Variants in POLQ observed in about 807,000 individuals in gnomAD.
The protein encoded by POLQ is epididymis secretory sperm binding protein.
A neutral mutation model predicts 259.2 loss-of-function variants in POLQ; 233 were observed. The ratio of observed to expected loss-of-function variants is 0.90; its 90% CI spans 0.81 to 1.00. POLQ has a LOEUF of 1.00. Ranked by LOEUF, POLQ falls within the 50% of genes least tolerant of loss-of-function variation. The pLI is 0.00. For missense variants in POLQ, 2,871 were observed against 3,051.6 expected (o/e 0.94, Z 1.39); for synonymous variants, 1,025 against 1,048.8 (o/e 0.98, Z 0.44).
At chr3:121,440,721 A>T (rs987397706) in intron 26 of POLQ, among the ~76,000 whole-genome samples, 2 of 152,114 alleles carry the variant, frequency 1.3e-5, no homozygotes, top group Admixed American at 1.3e-4. Context: ...TTATTCCAGG[A>T]TCTTAAGACT....
intron 19 of POLQ, 115 bp downstream of exon 19, chr3:121,481,457 A>T: frequency 1.0e-6 from 1 of 980,240 alleles, no homozygotes; most frequent in Non-Finnish European, 1.5e-6. Context: ...AAAAAGCACT[A>T]GACAATCCAA....
intron 7 of POLQ, among the ~76,000 whole-genome samples, chr3:121,526,017 C>G (rs2048371324): frequency 6.6e-6 from 1 of 152,050 alleles, no homozygotes; most frequent in South Asian, 2.1e-4. Flanking sequence ...TCGGGGTTCT[C>G]TTCCATAATG....
intron 7 of POLQ, among the ~76,000 whole-genome samples, chr3:121,525,375 C>G (rs957720182): frequency 6.6e-6 from 1 of 150,470 alleles, no homozygotes; most frequent in African/African-American, 2.4e-5. Context: ...AGAGAAAATA[C>G]ATTTACTATT....
intron 13 of POLQ, among the ~76,000 whole-genome samples, 180 bp from the exon 14 acceptor site, chr3:121,497,112 A>G (rs1025824591): frequency 2.6e-5 from 4 of 152,240 alleles, no homozygotes; most frequent in African/African-American, 9.6e-5. Flanking sequence ...CTTGCAAAGC[A>G]AGTTTTGACA....
intron 2 of POLQ, 123 bp downstream of exon 2, chr3:121,544,604 C>T (rs775188985): frequency 1.0e-5 from 6 of 602,340 alleles, no homozygotes; most frequent in East Asian, 3.0e-5. Context: ...ACATATTGTA[C>T]GATTTTCTCT....
chr3:121,462,025 C>T (rs2047796347), intron 24 of POLQ, among the ~76,000 whole-genome samples: 1 of 152,198 alleles, frequency 6.6e-6, no homozygotes, highest in Non-Finnish European at 1.5e-5. Context: ...AAATCCAAAA[C>T]TTTTGAGCAC....
intron 9 of POLQ, among the ~76,000 whole-genome samples, chr3:121,515,945 T>C (rs1215432507): frequency 2.0e-5 from 3 of 151,754 alleles, no homozygotes; most frequent in Non-Finnish European, 1.5e-5. Flanking sequence ...GAAAACAATA[T>C]ACAAACAAAA....
chr3:121,500,165 C>A (rs1462235920), intron 12 of POLQ, among the ~76,000 whole-genome samples: 3 of 151,862 alleles, frequency 2.0e-5, no homozygotes, highest in African/African-American at 7.3e-5. Context: ...GCCTGTGGTC[C>A]CAGCTACTTG....
chr3:121,445,118 C>T (rs1234519701), intron 26 of POLQ, among the ~76,000 whole-genome samples: 1 of 152,144 alleles, frequency 6.6e-6, no homozygotes. Flanking sequence ...TAATACTGGC[C>T]TCACAGAATG....
At chr3:121,491,986 T>C (rs374356381) in intron 15 of POLQ, among the ~76,000 whole-genome samples, 1 of 152,234 alleles carries the variant, frequency 6.6e-6, no homozygotes, top group Non-Finnish European at 1.5e-5. Context: ...AGAATCTAAT[T>C]GTTTTGTTTC....
chr3:121,455,729 G>C (rs1280620754), intron 25 of POLQ, among the ~76,000 whole-genome samples: 1 of 152,198 alleles, frequency 6.6e-6, no homozygotes, highest in African/African-American at 2.4e-5. Flanking sequence ...CTCTGAAATT[G>C]TGGCAATAAT....
At position 121,541,453 on chromosome 3, in the gene POLQ, C is replaced by T; in HGVS notation, c.370G>A (p.Val124Met). Reference protein sequence around the residue: ...SAPTSAGKTLVAELLILKRVL... With the variant: ...SAPTSAGKTLMAELLILKRVL... ...CGCTTCAAAATAAGTAATTCTGCCA[C>T]AAGAGTCTTCCCAGCACTTGTAGGA... The change falls in exon 3 of 30, where the codon GTG becomes ATG. Residue 124 changes from valine (V) to methionine (M), a missense_variant. Around this residue, in one of 3 missense-constraint regions of POLQ, gnomAD observed 783 missense variants for 906.2 expected, o/e 0.86. Transcript: ENST00000264233. The T allele has an allele frequency of 6.2e-7, 1 of 1,609,926 alleles. No individual in the cohort carries two copies. Among genetic ancestry groups the T allele is most frequent in the Non-Finnish European group, 8.5e-7 (1 of 1,178,310 alleles).
chr3:121,460,122 C>T lies in POLQ; in HGVS notation c.7080G>A (p.Arg2360=). The part of the protein sequence containing the change: ...QVLNTGADVF[R]SIAAEWKMIE... ...TCATCTTCCACTCTGCTGCAATGCT[C>T]CTGAAAACATCAGCTCCAGTGTTTA... The change falls in exon 25 of 30, where the codon AGG becomes AGA. Residue 2360 remains arginine (R), a synonymous_variant. Transcript: ENST00000264233. The T allele has an allele frequency of 6.2e-7, 1 of 1,614,006 alleles. No individual in the cohort carries two copies. Among genetic ancestry groups the T allele is most frequent in the African/African-American group, 1.3e-5 (1 of 75,016 alleles).
intron 12 of POLQ, among the ~76,000 whole-genome samples, chr3:121,501,218 C>G (rs1001980500): frequency 2.0e-5 from 3 of 152,022 alleles, no homozygotes; most frequent in African/African-American, 7.2e-5. Flanking sequence ...CCTCAGCCTC[C>G]CAAAGTGCTG....
intron 15 of POLQ, 34 bp downstream of exon 15, chr3:121,493,444 T>C (rs2048087794): frequency 2.6e-6 from 4 of 1,517,826 alleles, no homozygotes; most frequent in Non-Finnish European, 3.6e-6. Flanking sequence ...TTTTTTTATT[T>C]CATAAGCCCA....
At chr3:121,461,009 T>C (rs1487398325) in intron 24 of POLQ, among the ~76,000 whole-genome samples, 1 of 152,066 alleles carries the variant, frequency 6.6e-6, no homozygotes, top group African/African-American at 2.4e-5. Context: ...AGTTCAGACA[T>C]AATAAAAACA....
chr3:121,460,338 A>T (rs1333510610), intron 24 of POLQ, 104 bp from the exon 25 acceptor site: 1 of 773,862 alleles, frequency 1.3e-6, no homozygotes, highest in Non-Finnish European at 2.1e-6. Flanking sequence ...TTTTGTTCTA[A>T]CTTAGAACTT....
intron 6 of POLQ, among the ~76,000 whole-genome samples, chr3:121,531,598 T>C (rs977855757): frequency 2.0e-5 from 3 of 152,158 alleles, no homozygotes; most frequent in Non-Finnish European, 4.4e-5. Flanking sequence ...GGTAACATGA[T>C]CTGATGTTCA....
chr3:121,526,920 G>A (rs933275253), intron 7 of POLQ, among the ~76,000 whole-genome samples: 5 of 151,864 alleles, frequency 3.3e-5, no homozygotes, highest in African/African-American at 7.3e-5. Flanking sequence ...CATCTGTGGC[G>A]ACAGGATCTC....
Sources: gnomAD v4.1 joint callset for allele counts (sites outside exome capture counted in the v4.1 genomes callset) on GRCh38, gnomAD v4.1.1 for gene constraint, gnomAD v4.1.1 regional missense constraint, MANE v1.5 for transcripts, NCBI Gene and HGNC (gene_info 2026-07-23, HGNC 2026-07-21) for gene names.